Variants in IFT57 observed in about 807,000 individuals in gnomAD.
IFT57 encodes the protein intraflagellar transport 57.
A neutral mutation model predicts 56.8 loss-of-function variants in IFT57; 59 were observed. The observed-to-expected ratio is 1.04, with a 90% CI of 0.84 to 1.29. IFT57 has a LOEUF of 1.29. Among genes scored for constraint, IFT57 ranks in the 50% most tolerant of loss-of-function variants. The pLI, the probability that IFT57 is intolerant of heterozygous loss-of-function variation, is 0.00. For missense variants in IFT57, 470 were observed against 522.1 expected, an observed-to-expected ratio of 0.90 and a Z score of 0.97; for synonymous variants, 209 against 186.1, an observed-to-expected ratio of 1.12 and a Z score of -1.00.
intron 6 of IFT57, among the ~76,000 whole-genome samples, chr3:108,189,712 T>A (rs1047807495): frequency 6.6e-6 from 1 of 152,158 alleles, no homozygotes; most frequent in Non-Finnish European, 1.5e-5. Flanking sequence ...CCTCGAACAA[T>A]GCAGAGGTTG....
chr3:108,206,097 G>A (rs1333538688), intron 5 of IFT57, among the ~76,000 whole-genome samples: 3 of 126,858 alleles, frequency 2.4e-5, no homozygotes, highest in African/African-American at 9.0e-5. Flanking sequence ...AATATATATT[G>A]ATATATAATA....
intron 5 of IFT57, among the ~76,000 whole-genome samples, chr3:108,192,909 T>C (rs1160486132): frequency 2.1e-5 from 1 of 47,776 alleles, no homozygotes; most frequent in Non-Finnish European, 5.5e-5. Flanking sequence ...ACAAAATGTC[T>C]GAATTTTACT....
rs2080029243 is a variant in IFT57 at position 108,161,046 on chromosome 3, T to G, written c.*1431A>C. On this transcript the variant is annotated 3_prime_UTR_variant, in exon 11 of 11. Coordinates refer to ENST00000264538, the MANE Select transcript of IFT57 (RefSeq NM_018010.4). The stretch of plus-strand genomic sequence containing the variant: ...AGAGTTCTGATTTATCTAAAAGCGT[T>G]CTCTGCATTGATTGAATTCATCAAA... 1 of 152,174 alleles carries G rather than the reference T, an allele frequency of 6.6e-6. No individual in the cohort carries two copies. Among genetic ancestry groups the G allele is most frequent in the Non-Finnish European group, 1.5e-5 (1 of 68,036 alleles). 9.4% of individuals were successfully genotyped at this position (152,174 alleles called of 1,614,324 possible). A position where few individuals can be genotyped will look rare whatever the true frequency, so the allele number is the denominator to read the frequency against.
chr3:108,184,588 C>A (rs753215893), intron 6 of IFT57, among the ~76,000 whole-genome samples: 5 of 151,956 alleles, frequency 3.3e-5, no homozygotes, highest in Non-Finnish European at 7.4e-5. Flanking sequence ...TATGTGGCAC[C>A]ATTTACAGTT....
intron 5 of IFT57, among the ~76,000 whole-genome samples, chr3:108,202,984 G>C (rs2080287399): frequency 6.6e-6 from 1 of 152,172 alleles, no homozygotes; most frequent in African/African-American, 2.4e-5. Context: ...CTTCAAGTTA[G>C]CAGTTACAGG....
At chr3:108,194,659 A>ATAT (rs2080233826) in intron 5 of IFT57, among the ~76,000 whole-genome samples, 1 of 152,188 alleles carries the variant, frequency 6.6e-6, no homozygotes, top group Non-Finnish European at 1.5e-5. Context: ...CCAATGGAAA[A>ATAT]GAATACAGAA....
At position 108,202,454 on chromosome 3, in the gene IFT57, C is replaced by G. The variant is rs78876912; in HGVS notation, c.654+4174G>C. ...TACTATACTTCTAAACATCACAGTCCCAGCCCAACTGTCAGAACTTTAATT... is the reference window on the plus strand; with the variant it reads ...TACTATACTTCTAAACATCACAGTCGCAGCCCAACTGTCAGAACTTTAATT... On this transcript the variant is annotated intron_variant, in intron 5 of 10. Transcript: ENST00000264538. Among the ~76,000 whole-genome samples, 583 of 152,290 alleles carry G rather than the reference C, an allele frequency of 3.8e-3. 1 individual carries two copies. Among genetic ancestry groups the G allele is most frequent in the African/African-American group, 0.013 (534 of 41,558 alleles).
intron 6 of IFT57, among the ~76,000 whole-genome samples, chr3:108,171,056 C>T (rs2080089527): frequency 6.6e-6 from 1 of 151,862 alleles, no homozygotes. Context: ...CTCCACTTTG[C>T]TAACTACACT....
At chr3:108,208,514 A>G (rs769910489) in intron 4 of IFT57, among the ~76,000 whole-genome samples, 12 of 152,348 alleles carry the variant, frequency 7.9e-5, no homozygotes, top group Admixed American at 2.6e-4. Flanking sequence ...TGAATCAGCA[A>G]CCAATATATG....
At chr3:108,203,961 G>A (rs1236770870) in intron 5 of IFT57, among the ~76,000 whole-genome samples, 2 of 152,172 alleles carry the variant, frequency 1.3e-5, no homozygotes, top group Non-Finnish European at 2.9e-5. Context: ...AGTATGTATT[G>A]TTTTTGTTCT....
chr3:108,191,450 A>C, intron 6 of IFT57, 71 bp downstream of exon 6: 14 of 1,012,378 alleles, frequency 1.4e-5, no homozygotes, highest in Non-Finnish European at 1.8e-5. Context: ...TATAATTGGG[A>C]GTACCCCTAA....
chr3:108,183,054 T>A (rs1478156136), intron 6 of IFT57, among the ~76,000 whole-genome samples: 1 of 152,104 alleles, frequency 6.6e-6, no homozygotes, highest in African/African-American at 2.4e-5. Context: ...AAGTACTGCA[T>A]AATTGAAGAA....
intron 1 of IFT57, 139 bp from the exon 2 acceptor site, chr3:108,219,711 C>G (rs1255386530): frequency 1.2e-6 from 1 of 834,374 alleles, no homozygotes. Flanking sequence ...GATAATTCAC[C>G]CTTTGAAGTT....
chr3:108,184,005 T>C (rs2080165503), intron 6 of IFT57, among the ~76,000 whole-genome samples: 1 of 152,156 alleles, frequency 6.6e-6, no homozygotes, highest in East Asian at 1.9e-4. Flanking sequence ...TATGTTACTA[T>C]AAGGAATTTA....
intron 6 of IFT57, among the ~76,000 whole-genome samples, chr3:108,176,296 C>G (rs1265830023): frequency 6.6e-6 from 1 of 151,842 alleles, no homozygotes; most frequent in Non-Finnish European, 1.5e-5. Context: ...TTTTCAAGAT[C>G]ACTCTAACGT....
At position 108,221,927 on chromosome 3, in the gene IFT57, G is replaced by C. The variant is rs1387170057; in HGVS notation, c.212+184C>G. The C allele has an allele frequency of 4.9e-5, 60 of 1,220,060 alleles. No individual in the cohort carries two copies. In the East Asian group the frequency reaches 1.5e-3, roughly 31 times the overall value. 75.6% of individuals were successfully genotyped at this position (1,220,060 alleles called of 1,614,324 possible). A position where few individuals can be genotyped will look rare whatever the true frequency, so the allele number is the denominator to read the frequency against. On this transcript the variant is annotated intron_variant, in intron 1 of 10. Coordinates refer to ENST00000264538, the MANE Select transcript of IFT57 (RefSeq NM_018010.4). Reference sequence around the variant, plus strand: ...TTTATTCTCTCTACAAAAATACCAAGTCAGGGCTGCGTGAGCTCCACGGAC... The same window carrying C: ...TTTATTCTCTCTACAAAAATACCAACTCAGGGCTGCGTGAGCTCCACGGAC...
rs758905863 is a variant in IFT57, at chr3:108,175,761, G to A, written c.778-7897C>T. 7.5e-4 allele frequency among the ~76,000 whole-genome samples: 114 copies of A among 151,268 alleles called. 1 individual carries two copies. Among genetic ancestry groups the A allele is most frequent in the African/African-American group, 3.4e-4 (14 of 41,188 alleles). On this transcript the variant is annotated intron_variant, in intron 6 of 10. Transcript: ENST00000264538. ...TAAATGGAATTTACATCTATGTATC[G>A]GTTTCATTAGTTTACAACTTGTAAA...
At chr3:108,164,028 A>C (rs1045410752) in intron 9 of IFT57, among the ~76,000 whole-genome samples, 2 of 152,028 alleles carry the variant, frequency 1.3e-5, no homozygotes, top group Non-Finnish European at 2.9e-5. Flanking sequence ...CAAACCTCGC[A>C]ATTATCTCAT....
In IFT57 at chr3:108,213,955, T is replaced by A; in HGVS notation, c.561A>T (p.Leu187Phe). ...CCACAAATTCTTCATCCACTTTATT[T>A]AATGTTAATTCTGCATCATCTTCTG... ...SVAEDDAELT[L>F]NKVDEEFVEE... Residue 187 changes from leucine (L) to phenylalanine (F), a missense_variant, in exon 4 of 11, where the codon TTA becomes TTT. Coordinates refer to ENST00000264538, the MANE Select transcript of IFT57 (RefSeq NM_018010.4). The A allele has an allele frequency of 1.2e-6, 2 of 1,608,412 alleles. No homozygotes were observed. Among genetic ancestry groups the A allele is most frequent in the Non-Finnish European group, 8.5e-7 (1 of 1,175,228 alleles).
Sources: gnomAD v4.1 joint callset for allele counts (sites outside exome capture counted in the v4.1 genomes callset) on GRCh38, gnomAD v4.1.1 for gene constraint, MANE v1.5 for transcripts, NCBI Gene and HGNC (gene_info 2026-07-23, HGNC 2026-07-21) for gene names.